Variants in CYP4X1 observed in about 807,000 individuals in gnomAD.
CYP4X1 encodes cytochrome P450 family 4 subfamily X member 1.
CYP4X1 carries 44 observed loss-of-function variants against 57.9 expected under a neutral mutation model. The ratio of observed to expected loss-of-function variants is 0.76; its 90% CI spans 0.60 to 0.98. CYP4X1 has a LOEUF of 0.98. CYP4X1 is among the 50% of genes least tolerant of loss of function. CYP4X1 has a pLI of 0.00. For synonymous variants in CYP4X1, 227 were observed against 228.6 expected (o/e 0.99, Z 0.06); for missense variants, 532 against 623.9 (o/e 0.85, Z 1.57).
rs774948210 is a variant in CYP4X1 at position 47,023,890 on chromosome 1, G to C, written c.73G>C (p.Gly25Arg). ...GGCGTTCGTGTTCTGCCTGGCCCTG[G>C]GGCTGCTGCAGGCCATTAAGCTGTA... The part of the protein sequence containing the change: ...YLAFVFCLAL[G>R]LLQAIKLYLR... Residue 25 changes from glycine (G) to arginine (R), a missense_variant, in exon 1 of 12, where the codon GGG (glycine) becomes CGG (arginine). Physicochemically the swap from Gly to Arg is moderately radical, Grantham distance 125. Transcript: ENST00000371901. 6.2e-7 allele frequency: 1 copy of C among 1,613,700 alleles called. No individual in the cohort carries two copies. Among genetic ancestry groups the C allele is most frequent in the Admixed American group, 1.7e-5 (1 of 60,028 alleles).
At chr1:46,975,766 G>C in the CYP4X1 span, among the ~76,000 whole-genome samples, 1 of 152,144 alleles carries the variant, frequency 6.6e-6, no homozygotes. Context: ...AGTTTTCCAA[G>C]TTGCTGTTCT....
At chr1:47,029,851 A>G in intron 1 of CYP4X1, 139 bp from the exon 2 acceptor site, 3 of 867,764 alleles carry the variant, frequency 3.5e-6, no homozygotes, top group South Asian at 3.7e-5. Flanking sequence ...GTCCCAAAGA[A>G]AGCATGTTAT....
At chr1:46,982,155 G>A in the CYP4X1 span, among the ~76,000 whole-genome samples, 1 of 152,112 alleles carries the variant, frequency 6.6e-6, no homozygotes, top group Non-Finnish European at 1.5e-5. Context: ...ATCCATTTGT[G>A]TAATAATAAA....
chr1:46,983,548 T>G, the CYP4X1 span, among the ~76,000 whole-genome samples: 1 of 152,166 alleles, frequency 6.6e-6, no homozygotes, highest in African/African-American at 2.4e-5. Flanking sequence ...CTGACTGAAG[T>G]GCTCAGGTGG....
chr1:46,963,079 G>A, the CYP4X1 span, among the ~76,000 whole-genome samples: 2 of 152,058 alleles, frequency 1.3e-5, no homozygotes, highest in East Asian at 3.8e-4. Context: ...TGCAACCCCT[G>A]CCTTTTTTTT....
At chr1:46,968,353 C>T in the CYP4X1 span, among the ~76,000 whole-genome samples, 44 of 152,306 alleles carry the variant, frequency 2.9e-4, no homozygotes, top group Admixed American at 5.9e-4. Flanking sequence ...GAAGCCACAT[C>T]CCAGCTTAGA....
intron 3 of CYP4X1, 132 bp downstream of exon 3, chr1:47,031,612 A>G: frequency 1.1e-6 from 1 of 947,646 alleles, no homozygotes; most frequent in Admixed American, 2.4e-5. Context: ...ACTGAACGTT[A>G]TCTAGGGGAA....
chr1:46,991,381 G>T, the CYP4X1 span, among the ~76,000 whole-genome samples: 5 of 152,158 alleles, frequency 3.3e-5, no homozygotes, highest in Non-Finnish European at 2.9e-5. Flanking sequence ...AGCCCCAGAC[G>T]GCTGAATATT....
intron 1 of CYP4X1, among the ~76,000 whole-genome samples, chr1:47,026,848 G>C (rs1416627029): frequency 6.6e-6 from 1 of 152,018 alleles, no homozygotes; most frequent in East Asian, 1.9e-4. Flanking sequence ...CTCCCAAGCA[G>C]CTGGGACTAC....
chr1:47,000,213 C>T, the CYP4X1 span, among the ~76,000 whole-genome samples: 1 of 152,152 alleles, frequency 6.6e-6, no homozygotes, highest in African/African-American at 2.4e-5. Context: ...CTGTCCCTCA[C>T]CTACTACCAT....
the CYP4X1 span, among the ~76,000 whole-genome samples, chr1:46,995,063 G>A: frequency 6.6e-6 from 1 of 152,216 alleles, no homozygotes; most frequent in East Asian, 1.9e-4. Flanking sequence ...GGCTGGCCCT[G>A]TCCACCCTTC....
chr1:46,984,575 G>T, the CYP4X1 span, among the ~76,000 whole-genome samples: 2 of 152,134 alleles, frequency 1.3e-5, no homozygotes, highest in Non-Finnish European at 2.9e-5. Flanking sequence ...AAGCAGGATG[G>T]GGTGTCATCT....
intron 9 of CYP4X1, among the ~76,000 whole-genome samples, chr1:47,047,089 C>T (rs10890446): frequency 0.4 from 60,349 of 151,962 alleles, 13,176 homozygotes; most frequent in East Asian, 0.97. Flanking sequence ...TGTTAACAGA[C>T]GCTTATACAA....
At chr1:47,049,181 A>G (rs1012340847) in intron 10 of CYP4X1, among the ~76,000 whole-genome samples, 1 of 152,190 alleles carries the variant, frequency 6.6e-6, no homozygotes, top group Non-Finnish European at 1.5e-5. Flanking sequence ...ATAGTACCCT[A>G]AAAAAATGTG....
the CYP4X1 span, among the ~76,000 whole-genome samples, chr1:46,964,936 T>C: frequency 1.3e-5 from 2 of 151,810 alleles, no homozygotes; most frequent in Admixed American, 1.3e-4. Flanking sequence ...GCCTCGGCAA[T>C]GGTGGGCGCT....
chr1:47,039,627 G>A (rs140728405), intron 8 of CYP4X1, 95 bp downstream of exon 8: 49 of 926,894 alleles, frequency 5.3e-5, no homozygotes, highest in Non-Finnish European at 7.1e-5. Context: ...AGTGCCTCAG[G>A]ATATGTGTAG....
At chr1:46,980,339 A>C in the CYP4X1 span, among the ~76,000 whole-genome samples, 6 of 152,228 alleles carry the variant, frequency 3.9e-5, no homozygotes, top group African/African-American at 1.4e-4. Flanking sequence ...AATAACAGAC[A>C]AACAGAGAGG....
the CYP4X1 span, among the ~76,000 whole-genome samples, chr1:47,014,623 C>G: frequency 6.6e-6 from 1 of 152,170 alleles, no homozygotes; most frequent in Non-Finnish European, 1.5e-5. Context: ...TTCCAATAAA[C>G]ACATTTTAAA....
At chr1:47,009,138 C>T in the CYP4X1 span, among the ~76,000 whole-genome samples, 1 of 152,176 alleles carries the variant, frequency 6.6e-6, no homozygotes, top group South Asian at 2.1e-4. Flanking sequence ...CCACACCACA[C>T]CTATTCCAAA....
Sources: allele counts gnomAD v4.1 joint callset (sites outside exome capture counted in the v4.1 genomes callset), GRCh38; gene constraint gnomAD v4.1.1; transcripts MANE v1.5; gene names NCBI Gene and HGNC (gene_info 2026-07-23, HGNC 2026-07-21).